PHF14: variants seen among roughly 807,000 people sequenced by gnomAD.
The protein encoded by PHF14 is PHD finger protein 14.
A neutral mutation model predicts 117.9 loss-of-function variants in PHF14; 55 were observed. The observed-to-expected ratio is 0.47, with a 90% CI of 0.38 to 0.58. The LOEUF (loss-of-function observed/expected upper bound fraction) is 0.58. Among genes scored for constraint, PHF14 ranks in the 20% least tolerant of loss-of-function variants. PHF14 has a pLI of 0.00. For synonymous variants in PHF14, 409 were observed against 368.6 expected (o/e 1.11, Z -1.26); for missense variants, 978 against 1,122.2 (o/e 0.87, Z 1.84).
rs889891905 is a variant in PHF14, at chr7:11,160,698, G to T, written c.2773-8718G>T. ...ATGTTGAGCATTTTTTCATATGTTT[G>T]TTGGCTGTTTGTATGTCTTCTGAGA... is the stretch of plus-strand genomic sequence containing the variant. On this transcript the variant is annotated intron_variant, in intron 17 of 17. Transcript: ENST00000634607. Among the ~76,000 whole-genome samples the T allele has an allele frequency of 2.0e-5, 3 of 152,178 alleles. No individual in the cohort carries two copies. In the South Asian group the frequency reaches 6.2e-4, roughly 32 times the overall value.
intron 5 of PHF14, among the ~76,000 whole-genome samples, chr7:11,014,227 A>C (rs1763657317): frequency 6.6e-6 from 1 of 152,226 alleles, no homozygotes. Flanking sequence ...TATTCGTTCA[A>C]GACCACAAAC....
At chr7:11,083,586 G>A (rs1021314310) in intron 16 of PHF14, among the ~76,000 whole-genome samples, 40 of 147,586 alleles carry the variant, frequency 2.7e-4, no homozygotes, top group African/African-American at 8.8e-4. Flanking sequence ...TCAGCCTCCC[G>A]AGTAGCTGGG....
Position 10,974,897 on chromosome 7 carries a change from G to A in PHF14, c.64G>A (p.Asp22Asn). ...PLAASLLEAL[D>N]YDSSDDSDFK... ...GGCAGCTTCTCTGCTGGAAGCTCTT[G>A]ATTATGATAGTTCAGATGACAGTGA... is the stretch of plus-strand genomic sequence containing the variant. Residue 22 changes from aspartate (D) to asparagine (N), a missense_variant, in exon 2 of 18, where the codon GAT becomes AAT. Transcript: ENST00000634607. The A allele has an allele frequency of 6.3e-7, 1 of 1,593,004 alleles. No homozygotes were observed. The highest frequency in any genetic ancestry group is 8.6e-7 in the Non-Finnish European group (1 of 1,167,908).
intron 17 of PHF14, among the ~76,000 whole-genome samples, chr7:11,131,783 A>C (rs1261695696): frequency 2.0e-5 from 3 of 151,566 alleles, no homozygotes; most frequent in Non-Finnish European, 4.4e-5. Context: ...ATTCATTGTG[A>C]GTTAATTTTT....
intron 4 of PHF14, among the ~76,000 whole-genome samples, chr7:11,011,234 G>T (rs572114477): frequency 5.9e-5 from 9 of 151,708 alleles, no homozygotes; most frequent in Admixed American, 1.3e-4. Flanking sequence ...TTCCTTTCTC[G>T]TGGGTGATTT....
rs371541846 is a variant in PHF14 at position 11,013,917 on chromosome 7, T to G, written c.1205+11T>G. 7.0e-6 allele frequency: 11 copies of G among 1,577,394 alleles called. No individual in the cohort carries two copies. Among genetic ancestry groups the G allele is most frequent in the Middle Eastern group, 1.7e-4 (1 of 5,942 alleles). ...GACAGATGCTGGAAGGTTAATGTCC[T>G]AATTATGTTGGTTCATATGTTTGCT... On this transcript the variant is annotated intron_variant, in intron 5 of 17. Coordinates refer to ENST00000634607, the MANE Select transcript of PHF14 (RefSeq NM_001007157.2).
At chr7:11,038,642 G>T in intron 10 of PHF14, 118 bp from the exon 11 acceptor site, 1 of 272,826 alleles carries the variant, frequency 3.7e-6, no homozygotes, top group Non-Finnish European at 6.6e-6. Flanking sequence ...TGGTGACAGA[G>T]TGAGACTCTG....
chr7:10,981,731 T>C (rs545937562), intron 2 of PHF14, among the ~76,000 whole-genome samples: 15 of 152,332 alleles, frequency 9.8e-5, no homozygotes, highest in Middle Eastern at 6.8e-3. Flanking sequence ...AACAGGAAGA[T>C]TGATAATTTC....
intron 14 of PHF14, chr7:11,061,396 A>G (rs566205107): frequency 1.7e-4 from 27 of 154,804 alleles, no homozygotes; most frequent in Non-Finnish European, 3.6e-4. Flanking sequence ...CAATGTGTGT[A>G]GTATGATCCC....
chr7:11,060,657 G>A (rs541444952), intron 14 of PHF14, among the ~76,000 whole-genome samples: 4 of 152,296 alleles, frequency 2.6e-5, no homozygotes, highest in South Asian at 2.1e-4. Flanking sequence ...GCAAGTCTCA[G>A]TATTGTTCTT....
intron 17 of PHF14, among the ~76,000 whole-genome samples, chr7:11,123,371 AC>A (rs1787828793): frequency 6.6e-6 from 1 of 152,182 alleles, no homozygotes; most frequent in Admixed American, 6.5e-5. Context: ...AGTTTAACTG[AC>A]ATTTACTTAA....
chr7:11,013,931 C>T, intron 5 of PHF14, 25 bp downstream of exon 5: 1 of 1,527,814 alleles, frequency 6.5e-7, no homozygotes, highest in East Asian at 2.3e-5. Flanking sequence ...TATGTTGGTT[C>T]ATATGTTTGC....
chr7:11,016,769 T>A (rs1783548954), intron 5 of PHF14, among the ~76,000 whole-genome samples: 1 of 152,192 alleles, frequency 6.6e-6, no homozygotes, highest in African/African-American at 2.4e-5. Context: ...TAAGTTATTT[T>A]TAAGTGTACA....
At chr7:11,024,857 C>G (rs1299413408) in intron 6 of PHF14, among the ~76,000 whole-genome samples, 1 of 152,182 alleles carries the variant, frequency 6.6e-6, no homozygotes, top group Non-Finnish European at 1.5e-5. Flanking sequence ...GCCCATGGAT[C>G]AAGGAGTCAT....
chr7:11,162,049 A>G (rs1168182382), intron 17 of PHF14, among the ~76,000 whole-genome samples: 2 of 145,180 alleles, frequency 1.4e-5, no homozygotes, highest in Non-Finnish European at 3.0e-5. Flanking sequence ...CCTTCAGATC[A>G]GCAGGATATC....
intron 17 of PHF14, among the ~76,000 whole-genome samples, chr7:11,141,421 C>T (rs1196631000): frequency 6.6e-6 from 1 of 152,026 alleles, no homozygotes; most frequent in Non-Finnish European, 1.5e-5. Context: ...GAATCTGGTG[C>T]TCATTTTCTG....
rs914089870 is a variant in PHF14, at chr7:11,036,544, C to T, written c.1729C>T (p.Arg577Cys). 1.3e-5 allele frequency: 21 copies of T among 1,613,808 alleles called. No individual in the cohort carries two copies. Among genetic ancestry groups the T allele is most frequent in the Non-Finnish European group, 1.5e-5 (18 of 1,179,872 alleles). Residue 577 changes from arginine (R) to cysteine (C), a missense_variant, in exon 9 of 18, where the codon CGT becomes TGT. Physicochemically the swap from Arg to Cys is radical, Grantham distance 180 (BLOSUM62 -3). Coordinates refer to ENST00000634607, the MANE Select transcript of PHF14 (RefSeq NM_001007157.2). ...ACTCACCAGCAGTGCTTCAGCTATTCGTAAACTTATGCGGAAAGCAGAACT... is the reference window on the plus strand; with the variant it reads ...ACTCACCAGCAGTGCTTCAGCTATTTGTAAACTTATGCGGAAAGCAGAACT... Reference protein sequence around the residue: ...RPLTSSASAIRKLMRKAELMG... With the variant: ...RPLTSSASAICKLMRKAELMG...
intron 6 of PHF14, among the ~76,000 whole-genome samples, chr7:11,024,202 A>G (rs1180137906): frequency 6.6e-6 from 1 of 152,186 alleles, no homozygotes; most frequent in Non-Finnish European, 1.5e-5. Flanking sequence ...TAACTGTTCA[A>G]TATTGTGAAG....
intron 3 of PHF14, among the ~76,000 whole-genome samples, chr7:10,989,812 G>T (rs1199251117): frequency 6.6e-6 from 1 of 152,140 alleles, no homozygotes; most frequent in East Asian, 1.9e-4. Context: ...AAAATATTTT[G>T]TAGAGACAGG....
Sources: gnomAD v4.1 joint callset for allele counts (sites outside exome capture counted in the v4.1 genomes callset) on GRCh38, gnomAD v4.1.1 for gene constraint, MANE v1.5 for transcripts, NCBI Gene and HGNC (gene_info 2026-07-23, HGNC 2026-07-21) for gene names.